CSNK2A1: variants seen among roughly 807,000 people sequenced by gnomAD.
The protein encoded by CSNK2A1 is casein kinase 2 alpha 1, also known as casein kinase II subunit alpha.
CSNK2A1 carries 10 observed loss-of-function variants against 62.9 expected under a neutral mutation model. The ratio of observed to expected loss-of-function variants is 0.16; its 90% confidence interval spans 0.10 to 0.27. The LOEUF (loss-of-function observed/expected upper bound fraction) is 0.27, where lower values mean the gene tolerates loss of function less well. Ranked by LOEUF, CSNK2A1 falls within the 10% of genes least tolerant of loss-of-function variation. The probability of loss-of-function intolerance (pLI) is 1.00; values close to 1 mark genes in which losing one functional copy is unlikely to be tolerated. For synonymous variants in CSNK2A1, 124 were observed against 167.8 expected (o/e 0.74, Z 2.02); for missense variants, 160 against 492.0 (o/e 0.33, Z 6.38).
intron 1 of CSNK2A1, among the ~76,000 whole-genome samples, chr20:536,775 T>C (rs2019339294): frequency 6.6e-6 from 1 of 152,182 alleles, no homozygotes; most frequent in Non-Finnish European, 1.5e-5. Context: ...ATGCCTGTTA[T>C]CAGAAAACGT....
In CSNK2A1 at chr20:499,235, CAGTT is replaced by C. The variant is rs779352282; in HGVS notation, c.366+16_366+19del. ...GGTCTAAAAACCCACTAGCCCGAAA[CAGTT>C]GGTTATATATTATACCTTGAAGTCT... is the stretch of plus-strand genomic sequence containing the variant. On this transcript the variant is annotated intron_variant, in intron 6 of 13. Transcript: ENST00000217244. This position sits in a 1 kb window ranked among gnomAD's most constrained non-coding sequence, Gnocchi z 4.2. The C allele has an allele frequency of 7.0e-6, 11 of 1,580,072 alleles. No homozygotes were observed. In the South Asian group the frequency reaches 1.3e-4, roughly 19 times the overall value.
At chr20:485,044 C>T (rs2018042370) in intron 13 of CSNK2A1, among the ~76,000 whole-genome samples, 1 of 112,682 alleles carries the variant, frequency 8.9e-6, no homozygotes, top group East Asian at 2.8e-4. Flanking sequence ...CCAGCCTTGG[C>T]CACAGAGCAA....
intron 1 of CSNK2A1, among the ~76,000 whole-genome samples, chr20:535,150 G>C (rs747692893): frequency 6.6e-6 from 1 of 150,996 alleles, no homozygotes; most frequent in Non-Finnish European, 1.5e-5. Context: ...GAGCCCAGGA[G>C]TTTGAGACCA....
intron 8 of CSNK2A1, 119 bp from the exon 9 acceptor site, chr20:492,483 G>T: frequency 1.2e-6 from 1 of 869,290 alleles, no homozygotes; most frequent in Non-Finnish European, 1.8e-6. Flanking sequence ...CCCCTCCACT[G>T]ACTACTTATA....
chr20:509,492 T>C lies in CSNK2A1; in HGVS notation c.-109-832A>G, dbSNP rs1397607690. ...CTCATTATGCATTTAGATGAAATTG[T>C]ATTGAGTCTCCAGATTGTGATAACG... On this transcript the variant is annotated intron_variant, in intron 2 of 13. Transcript: ENST00000217244. 2.0e-5 allele frequency among the ~76,000 whole-genome samples: 3 copies of C among 152,358 alleles called. No individual in the cohort carries two copies. The East Asian group carries it at 5.8e-4, about 29-fold the overall frequency.
At position 511,646 on chromosome 20, in the gene CSNK2A1, A is replaced by C. The variant is rs1035419927; in HGVS notation, c.-109-2986T>G. Among the ~76,000 whole-genome samples the C allele has an allele frequency of 6.6e-5, 10 of 152,144 alleles. No individual in the cohort carries two copies. In the South Asian group the frequency reaches 2.1e-3, roughly 32 times the overall value. ...CTTCAAGGCTGATCCATGTTGTAGC[A>C]TGTGTTAGAATTCCAATCCTTTTAA... On this transcript the variant is annotated intron_variant, in intron 2 of 13. Coordinates refer to ENST00000217244, the MANE Select transcript of CSNK2A1 (RefSeq NM_177559.3).
rs1247651714 is a variant in CSNK2A1 at position 472,855 on chromosome 20, TTG to T, written c.*11104_*11105del. On this transcript the variant is annotated 3_prime_UTR_variant, in exon 14 of 14. Coordinates refer to ENST00000217244, the MANE Select transcript of CSNK2A1 (RefSeq NM_177559.3). ...AAACCTCTCGGCCTTCCAAGAAGGT[TTG>T]TGTCTTTCCTATAATTTCTCCCACC... The T allele has an allele frequency of 2.0e-5, 3 of 152,170 alleles. No individual in the cohort carries two copies. Among genetic ancestry groups the T allele is most frequent in the African/African-American group, 7.2e-5 (3 of 41,450 alleles). 9.4% of individuals were successfully genotyped at this position (152,170 alleles called of 1,614,324 possible). A position where few individuals can be genotyped will look rare whatever the true frequency, so the allele number is the denominator to read the frequency against.
rs1052646378 is a variant in CSNK2A1 at position 487,449 on chromosome 20, C to T, written c.951G>A (p.Glu317=). The change falls in exon 12 of 14, where the codon GAG becomes GAA. Residue 317 remains glutamate, a synonymous_variant. Coordinates refer to ENST00000217244, the MANE Select transcript of CSNK2A1 (RefSeq NM_177559.3). ...YDHQSRLTAR[E]AMEHPYFYTV... ...CACAGAAATAGGGGTGCTCCATTGCCTCTCTTGCAGTAAGCCGTGACTGGT... is the reference window on the plus strand; with the variant it reads ...CACAGAAATAGGGGTGCTCCATTGCTTCTCTTGCAGTAAGCCGTGACTGGT... 8 of 1,614,094 alleles carry T rather than the reference C, an allele frequency of 5.0e-6. No homozygotes were observed. Among genetic ancestry groups the T allele is most frequent in the African/African-American group, 1.3e-5 (1 of 75,020 alleles).
intron 1 of CSNK2A1, among the ~76,000 whole-genome samples, chr20:534,821 G>GTGTT (rs1158555922): frequency 1.3e-5 from 2 of 150,972 alleles, no homozygotes; most frequent in Non-Finnish European, 3.0e-5. Flanking sequence ...CTGAGCTCAG[G>GTGTT]TGTTAGAGAC....
At chr20:489,096 G>T in intron 10 of CSNK2A1, 1 of 264,022 alleles carries the variant, frequency 3.8e-6, no homozygotes, top group Non-Finnish European at 7.2e-6. Context: ...TTTGTGCCTT[G>T]TCCACATTTC....
intron 13 of CSNK2A1, among the ~76,000 whole-genome samples, chr20:485,110 A>ATT (rs2018063210): frequency 8.9e-5 from 1 of 11,198 alleles, no homozygotes; most frequent in Admixed American, 1.5e-3. Flanking sequence ...AAAAAAAAAA[A>ATT]TATATATATA....
At chr20:512,388 G>C (rs1204061497) in intron 2 of CSNK2A1, among the ~76,000 whole-genome samples, 3 of 151,818 alleles carry the variant, frequency 2.0e-5, no homozygotes, top group Non-Finnish European at 2.9e-5. Flanking sequence ...TTTTTTGATT[G>C]GGTTGTTTTG....
intron 3 of CSNK2A1, among the ~76,000 whole-genome samples, chr20:505,752 C>T (rs1011470927): frequency 1.3e-5 from 2 of 150,408 alleles, no homozygotes; most frequent in African/African-American, 4.9e-5. Context: ...TTCAATTATT[C>T]TTTCTAATCC....
At chr20:505,351 GTTTTTTTTTT>G (rs746624346) in intron 3 of CSNK2A1, 122 bp from the exon 4 acceptor site, 14 of 236,168 alleles carry the variant, frequency 5.9e-5, no homozygotes, top group East Asian at 2.3e-4. Flanking sequence ...TCCCAAATAG[GTTTTTTTTTT>G]TTTTTTTTTT....
intron 6 of CSNK2A1, 129 bp from the exon 7 acceptor site, chr20:497,909 C>T (rs1038780533): frequency 7.6e-5 from 54 of 711,066 alleles, no homozygotes; most frequent in Non-Finnish European, 1.1e-4. Flanking sequence ...ATTCACTGCC[C>T]TCTATTTCTC....
intron 1 of CSNK2A1, among the ~76,000 whole-genome samples, chr20:528,611 CTTTT>C (rs977240183): frequency 4.0e-5 from 6 of 151,560 alleles, no homozygotes; most frequent in Admixed American, 3.3e-4. Flanking sequence ...TTCTTTCTTT[CTTTT>C]GTTTTTTTTT....
At chr20:486,780 G>A (rs1174496349) in intron 12 of CSNK2A1, 13 of 286,104 alleles carry the variant, frequency 4.5e-5, no homozygotes, top group Admixed American at 9.5e-5. Context: ...ACTGTAACTC[G>A]GCAAAGACGG....
chr20:489,318 G>C lies in CSNK2A1; in HGVS notation c.723+462C>G, dbSNP rs191475023. 7.6e-4 allele frequency: 142 copies of C among 187,358 alleles called. 1 individual carries two copies. Among genetic ancestry groups the C allele is most frequent in the Non-Finnish European group, 2.3e-4 (21 of 91,654 alleles). The allele number at this position is 187,358 out of a possible 1,614,324, so 11.6% of individuals were successfully genotyped here. On this transcript the variant is annotated intron_variant, in intron 10 of 13. Transcript: ENST00000217244. ...TGGACATGGTGCTCAAAGGGAACAA[G>C]ACAATGGTACCTTCCACAAGGTCCT... is the stretch of plus-strand genomic sequence containing the variant.
rs114542973 is a variant in CSNK2A1, at chr20:487,997, A to G, written c.825-422T>C. 380 of 205,458 alleles carry G rather than the reference A, an allele frequency of 1.8e-3. 3 individuals carry two copies. Among genetic ancestry groups the G allele is most frequent in the African/African-American group, 8.5e-3 (364 of 42,614 alleles). 12.7% of individuals were successfully genotyped at this position (205,458 alleles called of 1,614,324 possible). ...TTGAGTGGTTAAGTGTATAAGTACT[A>G]TATCTAGTCACTACTGTTAAGAGTC... On this transcript the variant is annotated intron_variant, in intron 11 of 13. Coordinates refer to ENST00000217244, the MANE Select transcript of CSNK2A1 (RefSeq NM_177559.3).
Sources: gnomAD v4.1 joint callset for allele counts (sites outside exome capture counted in the v4.1 genomes callset) on GRCh38, gnomAD v4.1.1 for gene constraint, Gnocchi (gnomAD v3.1) non-coding constraint, MANE v1.5 for transcripts, NCBI Gene and HGNC (gene_info 2026-07-23, HGNC 2026-07-21) for gene names.